SLC4A10: variants seen among roughly 807,000 people sequenced by gnomAD.
SLC4A10 encodes solute carrier family 4 member 10.
A neutral mutation model predicts 137.7 loss-of-function variants in SLC4A10; 42 were observed. That is an observed-to-expected ratio of 0.30 (90% CI 0.24 to 0.39). The LOEUF (loss-of-function observed/expected upper bound fraction) is 0.39. Ranked by LOEUF, SLC4A10 falls within the 10% of genes least tolerant of loss-of-function variation. SLC4A10 has a pLI of 1.00. For missense variants in SLC4A10, 925 were observed against 1,355.0 expected, an observed-to-expected ratio of 0.68 and a Z score of 4.98; for synonymous variants, 474 against 464.1, an observed-to-expected ratio of 1.02 and a Z score of -0.27.
At position 161,859,858 on chromosome 2, in the gene SLC4A10, C is replaced by G. The variant is rs2060331857; in HGVS notation, c.578-3016C>G. On this transcript the variant is annotated intron_variant, in intron 5 of 26. Transcript: ENST00000446997. ...CTCGTGATCCGCCCGCCTCGGCCTC[C>G]CAAAGTGCTGGGATTACAGGCGTGA... 2.0e-5 allele frequency among the ~76,000 whole-genome samples: 3 copies of G among 152,050 alleles called. No homozygotes were observed. The South Asian group carries it at 6.2e-4, about 32-fold the overall frequency.
chr2:161,841,139 G>A (rs1331868784), intron 4 of SLC4A10, among the ~76,000 whole-genome samples: 4 of 152,098 alleles, frequency 2.6e-5, no homozygotes, highest in Admixed American at 6.5e-5. Flanking sequence ...GTGCAGTGAC[G>A]AGATCTTGGC....
intron 1 of SLC4A10, among the ~76,000 whole-genome samples, chr2:161,638,876 T>TA (rs35741632): frequency 0.88 from 132,359 of 151,114 alleles, 58,096 homozygotes; most frequent in East Asian, 0.99. Context: ...TTTTTTAAGA[T>TA]AAAAAAAGAC....
chr2:161,917,794 A>G (rs914508127), intron 15 of SLC4A10, among the ~76,000 whole-genome samples: 1 of 152,100 alleles, frequency 6.6e-6, no homozygotes, highest in Admixed American at 6.5e-5. Context: ...TAGGGTAGGG[A>G]ATTTAGCCTG....
chr2:161,898,613 A>G (rs2063760209), intron 11 of SLC4A10, among the ~76,000 whole-genome samples: 1 of 152,132 alleles, frequency 6.6e-6, no homozygotes, highest in South Asian at 2.1e-4. Flanking sequence ...AGTTAAGAGA[A>G]GAATAACCTG....
intron 1 of SLC4A10, among the ~76,000 whole-genome samples, chr2:161,715,015 C>T (rs1470014741): frequency 6.6e-6 from 1 of 151,852 alleles, no homozygotes; most frequent in East Asian, 1.9e-4. Flanking sequence ...ACATACTGTA[C>T]ATCCTATGTA....
chr2:161,904,864 C>G lies in SLC4A10; in HGVS notation c.1706C>G (p.Thr569Arg). ...GGQPLTILGS[T>R]GPVLVFEKIL... ...CAGCCTCTTACCATATTAGGCAGTA[C>G]AGGACCAGTTTTGGTGTTTGAAAAG... The change falls in exon 14 of 27, where the codon ACA becomes AGA. Residue 569 changes from threonine to arginine, a missense_variant. Thr to Arg is a moderately conservative substitution (Grantham distance 71, BLOSUM62 -1). Around this residue, in one of 11 missense-constraint regions of SLC4A10, gnomAD observed 61 missense variants for 168.0 expected, o/e 0.36. Transcript: ENST00000446997. 1 of 1,613,980 alleles carries G rather than the reference C, an allele frequency of 6.2e-7. No individual in the cohort carries two copies.
intron 1 of SLC4A10, among the ~76,000 whole-genome samples, chr2:161,750,165 G>A (rs2048817245): frequency 6.6e-6 from 1 of 151,198 alleles, no homozygotes; most frequent in South Asian, 2.1e-4. Flanking sequence ...CTAGCTAGGG[G>A]TTTATCAATT....
At chr2:161,728,673 T>C (rs977113723) in intron 1 of SLC4A10, among the ~76,000 whole-genome samples, 2 of 151,874 alleles carry the variant, frequency 1.3e-5, no homozygotes, top group African/African-American at 4.8e-5. Context: ...TACTAGAAAA[T>C]AGAAGACAAA....
intron 1 of SLC4A10, among the ~76,000 whole-genome samples, chr2:161,654,563 G>A (rs2037254721): frequency 6.6e-6 from 1 of 151,992 alleles, no homozygotes; most frequent in African/African-American, 2.4e-5. Flanking sequence ...TTTGTAAATG[G>A]TATACGGGAC....
In SLC4A10 at chr2:161,900,995, C is replaced by A; in HGVS notation, c.1426C>A (p.Leu476Ile). ...CCACGGAGGACATAGTGGACCTGAA[C>A]TCCAGCGAACTGGAAGGTTAGTGAA... The part of the protein sequence containing the change: ...EPHGGHSGPE[L>I]QRTGRIFGGL... Residue 476 changes from leucine (L) to isoleucine (I), a missense_variant, in exon 12 of 27, where the codon CTC (leucine) becomes ATC (isoleucine). This residue lies in a region of SLC4A10 where 61 missense variants were observed against 59.0 expected (regional missense o/e 1.03). Coordinates refer to ENST00000446997, the MANE Select transcript of SLC4A10 (RefSeq NM_001178015.2). 5 of 1,564,426 alleles carry A rather than the reference C, an allele frequency of 3.2e-6. No individual in the cohort carries two copies. The highest frequency in any genetic ancestry group is 4.3e-6 in the Non-Finnish European group (5 of 1,153,626).
At chr2:161,840,765 AT>A (rs2059129459) in intron 4 of SLC4A10, among the ~76,000 whole-genome samples, 1 of 152,246 alleles carries the variant, frequency 6.6e-6, no homozygotes, top group Non-Finnish European at 1.5e-5. Context: ...TTTTTCACAA[AT>A]TTTAATGTGA....
At chr2:161,637,117 ATATCTAT>A (rs2034557787) in intron 1 of SLC4A10, among the ~76,000 whole-genome samples, 3 of 147,346 alleles carry the variant, frequency 2.0e-5, no homozygotes, top group Non-Finnish European at 3.0e-5. Context: ...TTATGTATAT[ATATCTAT>A]ATACATAAAT....
At chr2:161,865,576 A>T (rs550578408) in intron 6 of SLC4A10, among the ~76,000 whole-genome samples, 3 of 152,112 alleles carry the variant, frequency 2.0e-5, no homozygotes, top group African/African-American at 7.2e-5. Flanking sequence ...GCCTAAGCTT[A>T]TAACACCTCC....
chr2:161,827,831 C>T (rs1188215647), intron 3 of SLC4A10, among the ~76,000 whole-genome samples: 3 of 152,186 alleles, frequency 2.0e-5, no homozygotes, highest in East Asian at 3.9e-4. Context: ...TCCCAAAGTG[C>T]TGGGATTACA....
chr2:161,783,526 CA>C (rs1259088618), intron 2 of SLC4A10, among the ~76,000 whole-genome samples: 1 of 151,806 alleles, frequency 6.6e-6, no homozygotes. Flanking sequence ...AGTTAAAAGA[CA>C]AAGTAGCAAA....
chr2:161,865,740 A>G (rs1159478475), intron 6 of SLC4A10, among the ~76,000 whole-genome samples: 3 of 152,056 alleles, frequency 2.0e-5, no homozygotes, highest in East Asian at 1.9e-4. Flanking sequence ...TTCTTAATCT[A>G]CTTATGAACT....
intron 1 of SLC4A10, among the ~76,000 whole-genome samples, chr2:161,679,685 A>ACG (rs1158046701): frequency 1.4e-5 from 1 of 72,782 alleles, no homozygotes; most frequent in Non-Finnish European, 2.6e-5. Context: ...TTGTAGGTCA[A>ACG]CGTGTGTGTG....
intron 5 of SLC4A10, among the ~76,000 whole-genome samples, chr2:161,862,494 A>G (rs1300548060): frequency 6.6e-6 from 1 of 152,178 alleles, no homozygotes; most frequent in Non-Finnish European, 1.5e-5. Context: ...CACATTATGA[A>G]TTTTCAAATT....
intron 1 of SLC4A10, among the ~76,000 whole-genome samples, chr2:161,683,078 G>A (rs570773225): frequency 3.4e-4 from 52 of 152,226 alleles, no homozygotes; most frequent in African/African-American, 1.3e-3. Flanking sequence ...TGAGATTCAG[G>A]TGAGGGGACT....
Sources: allele counts gnomAD v4.1 joint callset (sites outside exome capture counted in the v4.1 genomes callset), GRCh38; gene constraint gnomAD v4.1.1; regional missense constraint gnomAD v4.1.1; transcripts MANE v1.5; gene names NCBI Gene and HGNC (gene_info 2026-07-23, HGNC 2026-07-21).